XAF1: variants seen among roughly 807,000 people sequenced by gnomAD.
XAF1 encodes the protein XIAP-associated factor 1.
XAF1 carries 32 observed loss-of-function variants against 32.3 expected under a neutral mutation model. The observed-to-expected ratio is 0.99, with a 90% confidence interval of 0.75 to 1.33. XAF1 has a LOEUF of 1.33. XAF1 is among the 40% of genes most tolerant of loss of function. The pLI, the probability that XAF1 is intolerant of heterozygous loss-of-function variation, is 0.00. For synonymous variants in XAF1, 120 were observed against 125.9 expected (o/e 0.95, Z 0.31); for missense variants, 379 against 366.0 (o/e 1.04, Z -0.29).
At chr17:6,768,226 C>T (rs979678383) in intron 5 of XAF1, among the ~76,000 whole-genome samples, 1 of 151,996 alleles carries the variant, frequency 6.6e-6, no homozygotes, top group African/African-American at 2.4e-5. Context: ...TGGGTTCAAG[C>T]AGTTCTCCTG....
intron 4 of XAF1, 98 bp from the exon 5 acceptor site, chr17:6,762,057 C>A: frequency 6.3e-7 from 1 of 1,587,408 alleles, no homozygotes; most frequent in Non-Finnish European, 8.6e-7. Context: ...GGGGGCAGTT[C>A]GTGCTCATGA....
In XAF1 at chr17:6,774,499, T is replaced by C. The variant is rs1308785809; in HGVS notation, c.*1330T>C. On this transcript the variant is annotated 3_prime_UTR_variant, in exon 7 of 7. Transcript: ENST00000361842. ...AACCTAGGCAATACCATTCTGGACA[T>C]AGGAACGGAAAAAGATTTCATGACA... 1 of 152,132 alleles carries C rather than the reference T, an allele frequency of 6.6e-6. No homozygotes were observed. Among genetic ancestry groups the C allele is most frequent in the Non-Finnish European group, 1.5e-5 (1 of 68,032 alleles). The allele number at this position is 152,132 out of a possible 1,614,324, so 9.4% of individuals were successfully genotyped here.
chr17:6,775,382 A>C lies in XAF1; in HGVS notation c.*2213A>C, dbSNP rs536141561. The C allele has an allele frequency of 5.3e-5, 8 of 152,304 alleles. No homozygotes were observed. Among genetic ancestry groups the C allele is most frequent in the African/African-American group, 1.9e-4 (8 of 41,568 alleles). The allele number at this position is 152,304 out of a possible 1,614,324, so 9.4% of individuals were successfully genotyped here. On this transcript the variant is annotated 3_prime_UTR_variant, in exon 7 of 7. Coordinates refer to ENST00000361842, the MANE Select transcript of XAF1 (RefSeq NM_017523.5). ...TGTACAACAAACCCTGGTGACATGC[A>C]ATTTACCTATATAGCAAGCCTACAC...
At position 6,771,079 on chromosome 17, in the gene XAF1, G is replaced by A. The variant is rs188017754; in HGVS notation, c.849+95G>A. 1.4e-4 allele frequency: 198 copies of A among 1,384,098 alleles called. 1 individual carries two copies. In the Admixed American group the frequency reaches 4.1e-3, roughly 28 times the overall value. 85.7% of individuals were successfully genotyped at this position (1,384,098 alleles called of 1,614,324 possible). ...CCTGAAAGATGTTCACAAATGTTGT[G>A]GCTGAAAAGGCCGTTTTCTCTGACT... On this transcript the variant is annotated intron_variant, in intron 6 of 6. Coordinates refer to ENST00000361842, the MANE Select transcript of XAF1 (RefSeq NM_017523.5).
intron 5 of XAF1, among the ~76,000 whole-genome samples, chr17:6,765,136 G>T (rs773043352): frequency 6.6e-6 from 1 of 152,124 alleles, no homozygotes; most frequent in Non-Finnish European, 1.5e-5. Context: ...ATGTAAGGCC[G>T]GGTATGGTGG....
At position 6,774,174 on chromosome 17, in the gene XAF1, C is replaced by G. The variant is rs2151567652; in HGVS notation, c.*1005C>G. ...TACTACAGGGCTACAGTAACCAAAACTGCATGATACTGGTACAAAAGCATG... is the reference window on the plus strand; with the variant it reads ...TACTACAGGGCTACAGTAACCAAAAGTGCATGATACTGGTACAAAAGCATG... On this transcript the variant is annotated 3_prime_UTR_variant, in exon 7 of 7. Transcript: ENST00000361842. 1 of 152,326 alleles carries G rather than the reference C, an allele frequency of 6.6e-6. No individual in the cohort carries two copies. The highest frequency in any genetic ancestry group is 2.4e-5 in the African/African-American group (1 of 41,582). The allele number at this position is 152,326 out of a possible 1,614,324, so 9.4% of individuals were successfully genotyped here.
chr17:6,771,008 T>TA, intron 6 of XAF1, 24 bp downstream of exon 6: 1 of 1,611,194 alleles, frequency 6.2e-7, no homozygotes. Flanking sequence ...GTTCTCTGCT[T>TA]ACCTTTCTGG....
chr17:6,768,164 C>A (rs1467547340), intron 5 of XAF1, among the ~76,000 whole-genome samples: 1 of 151,130 alleles, frequency 6.6e-6, no homozygotes, highest in African/African-American at 2.4e-5. Context: ...CACTCTGTTG[C>A]CTGGGCTTGA....
At chr17:6,757,986 G>A (rs1974827795) in intron 1 of XAF1, 103 bp from the exon 2 acceptor site, 2 of 1,516,968 alleles carry the variant, frequency 1.3e-6, no homozygotes, top group Non-Finnish European at 9.0e-7. Context: ...CATGTTCAGT[G>A]CTTAAGGCCT....
chr17:6,765,722 A>G lies in XAF1; in HGVS notation c.507+3482A>G, dbSNP rs947478928. 2.6e-5 allele frequency among the ~76,000 whole-genome samples: 4 copies of G among 152,200 alleles called. No homozygotes were observed. In the East Asian group the frequency reaches 7.7e-4, roughly 29 times the overall value. Reference sequence around the variant, plus strand: ...CCGCATTGCTACCCTGGTATGAACCATCATCTTCTCTAGCCCAGATGCTGC... The same window carrying G: ...CCGCATTGCTACCCTGGTATGAACCGTCATCTTCTCTAGCCCAGATGCTGC... On this transcript the variant is annotated intron_variant, in intron 5 of 6. Transcript: ENST00000361842.
In XAF1 at chr17:6,774,099, T is replaced by C. The variant is rs896865724; in HGVS notation, c.*930T>C. 3 of 152,170 alleles carry C rather than the reference T, an allele frequency of 2.0e-5. No individual in the cohort carries two copies. The highest frequency in any genetic ancestry group is 7.2e-5 in the African/African-American group (3 of 41,434). The allele number at this position is 152,170 out of a possible 1,614,324, so 9.4% of individuals were successfully genotyped here. ...AGAGCCCAAAAAGCCAAAGCAATCC[T>C]AAGCAAAAAGAACAAAGCTGGAGGC... On this transcript the variant is annotated 3_prime_UTR_variant, in exon 7 of 7. Transcript: ENST00000361842.
At chr17:6,769,405 TAA>T (rs1185932074) in intron 5 of XAF1, among the ~76,000 whole-genome samples, 4 of 152,216 alleles carry the variant, frequency 2.6e-5, no homozygotes, top group Non-Finnish European at 4.4e-5. Flanking sequence ...CATAAATATA[TAA>T]AGTTATTATT....
rs1207747327 is a variant in XAF1 at position 6,774,014 on chromosome 17, C to G, written c.*845C>G. On this transcript the variant is annotated 3_prime_UTR_variant, in exon 7 of 7. Coordinates refer to ENST00000361842, the MANE Select transcript of XAF1 (RefSeq NM_017523.5). Reference sequence around the variant, plus strand: ...TTCAATGCTATTCCTATCAAACTACCAATAACATTCTTCACAGAATCAGAA... The same window carrying G: ...TTCAATGCTATTCCTATCAAACTACGAATAACATTCTTCACAGAATCAGAA... 1 of 151,938 alleles carries G rather than the reference C, an allele frequency of 6.6e-6. No homozygotes were observed. The highest frequency in any genetic ancestry group is 1.5e-5 in the Non-Finnish European group (1 of 68,006). 9.4% of individuals were successfully genotyped at this position (151,938 alleles called of 1,614,324 possible). A position where few individuals can be genotyped will look rare whatever the true frequency, so the allele number is the denominator to read the frequency against.
At chr17:6,769,850 C>T (rs754774259) in intron 5 of XAF1, among the ~76,000 whole-genome samples, 82 of 152,160 alleles carry the variant, frequency 5.4e-4, no homozygotes, top group South Asian at 4.1e-4. Context: ...TTTTCAGGGG[C>T]ATAAGTTTTC....
At position 6,760,444 on chromosome 17, in the gene XAF1, C is replaced by G; in HGVS notation, c.264C>G (p.Phe88Leu). Residue 88 changes from phenylalanine to leucine, a missense_variant, in exon 4 of 7, where the codon TTC (phenylalanine) becomes TTG (leucine). Phe to Leu is a conservative substitution (Grantham distance 22, BLOSUM62 0). Coordinates refer to ENST00000361842, the MANE Select transcript of XAF1 (RefSeq NM_017523.5). ...ECQERPVECK[F>L]CKLDMQLSKL... is the part of the protein sequence containing the mutation. Reference sequence around the variant, plus strand: ...AGGAGCGCCCTGTTGAGTGTAAGTTCTGCAAACTGGACATGCAGCTCAGCA... The same window carrying G: ...AGGAGCGCCCTGTTGAGTGTAAGTTGTGCAAACTGGACATGCAGCTCAGCA... 6.2e-7 allele frequency: 1 copy of G among 1,609,930 alleles called. No individual in the cohort carries two copies. Among genetic ancestry groups the G allele is most frequent in the East Asian group, 2.2e-5 (1 of 44,638 alleles).
At chr17:6,773,001 CTT>C in intron 6 of XAF1, 110 bp from the exon 7 acceptor site, 1 of 943,240 alleles carries the variant, frequency 1.1e-6, no homozygotes, top group South Asian at 1.7e-5. Context: ...ACACTCCAGT[CTT>C]TGGGCAGGGC....
chr17:6,759,708 A>T lies in XAF1; in HGVS notation c.215A>T (p.Glu72Val). Reference sequence around the variant, plus strand: ...CAGAGCATGCAGAAGTCCTCGCTGGAGTTTCATAAGGTAAGAGCCCCATGT... The same window carrying T: ...CAGAGCATGCAGAAGTCCTCGCTGGTGTTTCATAAGGTAAGAGCCCCATGT... Reference protein sequence around the residue: ...CQQSMQKSSLEFHKANECQER... With the variant: ...CQQSMQKSSLVFHKANECQER... The change falls in exon 3 of 7, where the codon GAG becomes GTG. Residue 72 changes from glutamate (E) to valine (V), a missense_variant. Coordinates refer to ENST00000361842, the MANE Select transcript of XAF1 (RefSeq NM_017523.5). 1 of 1,613,878 alleles carries T rather than the reference A, an allele frequency of 6.2e-7. No homozygotes were observed. Among genetic ancestry groups the T allele is most frequent in the African/African-American group, 1.3e-5 (1 of 74,950 alleles).
chr17:6,759,587 T>G, intron 2 of XAF1, 75 bp from the exon 3 acceptor site: 1 of 1,601,138 alleles, frequency 6.2e-7, no homozygotes, highest in Admixed American at 1.7e-5. Context: ...TGAGCCAAAG[T>G]GGATGTGGGG....
intron 4 of XAF1, among the ~76,000 whole-genome samples, chr17:6,760,938 T>A (rs1975157558): frequency 6.6e-6 from 1 of 152,126 alleles, no homozygotes; most frequent in African/African-American, 2.4e-5. Flanking sequence ...GCAGATCACC[T>A]GAGGTTGGGA....
Sources: gnomAD v4.1 joint callset for allele counts (sites outside exome capture counted in the v4.1 genomes callset) on GRCh38, gnomAD v4.1.1 for gene constraint, MANE v1.5 for transcripts, NCBI Gene and HGNC (gene_info 2026-07-23, HGNC 2026-07-21) for gene names.